PTPN12: variants seen among roughly 807,000 people sequenced by gnomAD.
PTPN12 encodes protein tyrosine phosphatase non-receptor type 12, also known as tyrosine-protein phosphatase non-receptor type 12.
PTPN12 carries 29 observed loss-of-function variants against 97.6 expected under a neutral mutation model. The observed-to-expected ratio is 0.30, with a 90% CI of 0.22 to 0.41. The LOEUF is 0.41. Among genes scored for constraint, PTPN12 ranks in the 10% least tolerant of loss-of-function variants. The pLI is 1.00. For synonymous variants in PTPN12, 327 were observed against 300.4 expected, an observed-to-expected ratio of 1.09 and a Z score of -0.91; for missense variants, 819 against 926.0, an observed-to-expected ratio of 0.88 and a Z score of 1.50.
chr7:77,592,501 A>G (rs1787900440), intron 6 of PTPN12: 2 of 365,882 alleles, frequency 5.5e-6, no homozygotes, highest in African/African-American at 2.1e-5. Context: ...TTGTATATCA[A>G]TTGATAGTAG....
At chr7:77,589,887 A>C (rs1357680173) in intron 5 of PTPN12, among the ~76,000 whole-genome samples, 2 of 152,210 alleles carry the variant, frequency 1.3e-5, no homozygotes, top group East Asian at 3.8e-4. Context: ...GTATCAAGTT[A>C]TTGATGAAAA....
rs548075310 is a variant in PTPN12 at position 77,613,181 on chromosome 7, T to G, written c.939+2135T>G. On this transcript the variant is annotated intron_variant, in intron 11 of 17. Coordinates refer to ENST00000248594, the MANE Select transcript of PTPN12 (RefSeq NM_002835.4). The stretch of plus-strand genomic sequence containing the variant: ...TTAATTTTTGGGTTTTTTTTTTTTT[T>G]TTTTTTTTTTTGAGATGGAGTCTCG... Among the ~76,000 whole-genome samples the G allele has an allele frequency of 5.4e-3, 746 of 137,534 alleles. 4 individuals are homozygous for G. Among genetic ancestry groups the G allele is most frequent in the Non-Finnish European group, 9.6e-3 (617 of 64,076 alleles). 90.2% of individuals were successfully genotyped at this position (137,534 alleles called of 152,430 possible).
intron 1 of PTPN12, among the ~76,000 whole-genome samples, chr7:77,554,624 T>C (rs1029378384): frequency 2.6e-5 from 4 of 152,240 alleles, no homozygotes; most frequent in African/African-American, 9.6e-5. Context: ...TTGTCTTCTC[T>C]CTAAAAAATT....
chr7:77,625,510 T>TCTCTCTCTCACTCTCA, intron 12 of PTPN12, among the ~76,000 whole-genome samples: 2 of 100,370 alleles, frequency 2.0e-5, no homozygotes, highest in African/African-American at 8.8e-5. Context: ...TCTCTCTCTC[T>TCTCTCTCTCACTCTCA]CTCTCTCTCT....
intron 12 of PTPN12, among the ~76,000 whole-genome samples, chr7:77,622,489 G>T (rs1405228844): frequency 6.6e-6 from 1 of 152,122 alleles, no homozygotes; most frequent in African/African-American, 2.4e-5. Flanking sequence ...AAGAATATAG[G>T]CCAGGCGCAG....
At chr7:77,628,983 C>T (rs1789300614) in intron 13 of PTPN12, among the ~76,000 whole-genome samples, 1 of 152,086 alleles carries the variant, frequency 6.6e-6, no homozygotes, top group Non-Finnish European at 1.5e-5. Flanking sequence ...GAGTTTTGCT[C>T]TTGTTGCCCA....
At chr7:77,635,530 A>G (rs1200817494) in intron 14 of PTPN12, among the ~76,000 whole-genome samples, 1 of 152,236 alleles carries the variant, frequency 6.6e-6, no homozygotes, top group Non-Finnish European at 1.5e-5. Flanking sequence ...CATTATCTAT[A>G]GACTGTAATA....
chr7:77,606,231 G>C (rs1788370066), intron 8 of PTPN12, among the ~76,000 whole-genome samples: 1 of 152,050 alleles, frequency 6.6e-6, no homozygotes, highest in African/African-American at 2.4e-5. Flanking sequence ...TGAGATTACA[G>C]GCATGAGCCC....
At chr7:77,552,973 A>AG (rs2151301871) in intron 1 of PTPN12, among the ~76,000 whole-genome samples, 1 of 152,268 alleles carries the variant, frequency 6.6e-6, no homozygotes, top group South Asian at 2.1e-4. Flanking sequence ...AATAAATAGG[A>AG]GGGGAAAAAG....
chr7:77,571,214 A>C (rs758491437), intron 2 of PTPN12, 28 bp downstream of exon 2: 10 of 1,396,322 alleles, frequency 7.2e-6, no homozygotes, highest in Non-Finnish European at 5.0e-6. Context: ...TTGATAAAAT[A>C]CATAGAAATG....
intron 5 of PTPN12, among the ~76,000 whole-genome samples, chr7:77,588,561 A>T (rs1787766300): frequency 6.6e-6 from 1 of 152,204 alleles, no homozygotes; most frequent in Non-Finnish European, 1.5e-5. Context: ...TGTGACACAG[A>T]CCTGAAGTGA....
In PTPN12 at chr7:77,609,261, T is replaced by TTC. The variant is rs199736127; in HGVS notation, c.763-1492_763-1491dup. 4.5e-3 allele frequency among the ~76,000 whole-genome samples: 620 copies of TTC among 138,244 alleles called. 35 individuals are homozygous for TTC. Among genetic ancestry groups the TTC allele is most frequent in the Middle Eastern group, 7.5e-3 (2 of 266 alleles). The allele number at this position is 138,244 out of a possible 152,430, so 90.7% of individuals were successfully genotyped here. On this transcript the variant is annotated intron_variant, in intron 9 of 17. Coordinates refer to ENST00000248594, the MANE Select transcript of PTPN12 (RefSeq NM_002835.4). ...TAAAAGTTGTGTATTTTGAACATAGTTCTCTCTCTCTCTTTTTTTTTTTTT... is the reference window on the plus strand; with the variant it reads ...TAAAAGTTGTGTATTTTGAACATAGTTCTCTCTCTCTCTCTTTTTTTTTTTTT...
Position 77,638,632 on chromosome 7 carries a change from G to T in PTPN12, c.2182G>T (p.Ala728Ser), listed in dbSNP as rs1337412388. The change falls in exon 17 of 18, where the codon GCG (alanine) becomes TCG (serine). Residue 728 changes from alanine (A) to serine (S), a missense_variant. By Grantham distance (99) the Ala-to-Ser change is moderately conservative. Transcript: ENST00000248594. ...TSENEKCDHP[A>S]GGIHYEMCIE... is the part of the protein sequence containing the mutation. Reference sequence around the variant, plus strand: ...TTTGTGTTGCTACTTAGATCATCCAGCGGGAGGTATTCACTATGAAATGTG... The same window carrying T: ...TTTGTGTTGCTACTTAGATCATCCATCGGGAGGTATTCACTATGAAATGTG... 5.6e-6 allele frequency: 9 copies of T among 1,594,142 alleles called. No homozygotes were observed. The highest frequency in any genetic ancestry group is 3.6e-5 in the Admixed American group (2 of 55,918).
rs1789724430 is a variant in PTPN12, at chr7:77,639,532, GT to G, written c.*254del. 1 of 417,958 alleles carries G rather than the reference GT, an allele frequency of 2.4e-6. No homozygotes were observed. The highest frequency in any genetic ancestry group is 2.0e-5 in the African/African-American group (1 of 49,858). The allele number at this position is 417,958 out of a possible 1,614,324, so 25.9% of individuals were successfully genotyped here. A position where few individuals can be genotyped will look rare whatever the true frequency, so the allele number is the denominator to read the frequency against. ...CCTGTTACACGCTGCTTGTAGACAT[GT>G]TAATATAGTAATACCTTTATGATAT... On this transcript the variant is annotated 3_prime_UTR_variant, in exon 18 of 18. Coordinates refer to ENST00000248594, the MANE Select transcript of PTPN12 (RefSeq NM_002835.4).
intron 8 of PTPN12, among the ~76,000 whole-genome samples, chr7:77,605,413 T>TTTTTTG (rs1788332311): frequency 9.6e-6 from 1 of 104,288 alleles, no homozygotes; most frequent in African/African-American, 4.0e-5. Context: ...TCATGAGTTT[T>TTTTTTG]TTTTTTTTTT....
At chr7:77,584,063 A>G (rs1204053842) in intron 4 of PTPN12, among the ~76,000 whole-genome samples, 1 of 152,224 alleles carries the variant, frequency 6.6e-6, no homozygotes, top group East Asian at 1.9e-4. Context: ...AATTTCATCT[A>G]TCCCTGGAGT....
intron 8 of PTPN12, among the ~76,000 whole-genome samples, chr7:77,605,409 G>GTTTTTTTTTTTTTTTTTTTTTTT (rs751962814): frequency 2.1e-5 from 2 of 95,560 alleles, no homozygotes; most frequent in African/African-American, 8.3e-5. Flanking sequence ...TTTGTCATGA[G>GTTTTTTTTTTTTTTTTTTTTTTT]TTTTTTTTTT....
intron 5 of PTPN12, among the ~76,000 whole-genome samples, 156 bp from the exon 6 acceptor site, chr7:77,592,029 G>A (rs1787882746): frequency 1.3e-5 from 2 of 152,238 alleles, no homozygotes; most frequent in South Asian, 4.1e-4. Flanking sequence ...TAAAACAACT[G>A]GGTAAATCTA....
At chr7:77,607,947 G>T (rs753345434) in intron 9 of PTPN12, among the ~76,000 whole-genome samples, 1 of 152,060 alleles carries the variant, frequency 6.6e-6, no homozygotes, top group Non-Finnish European at 1.5e-5. Context: ...TACAGACAGG[G>T]TTTCACCATG....
Sources: gnomAD v4.1 joint callset for allele counts (sites outside exome capture counted in the v4.1 genomes callset) on GRCh38, gnomAD v4.1.1 for gene constraint, MANE v1.5 for transcripts, NCBI Gene and HGNC (gene_info 2026-07-23, HGNC 2026-07-21) for gene names.